KREMEN1: variants seen among roughly 807,000 people sequenced by gnomAD.
The protein encoded by KREMEN1 is kremen protein 1.
In KREMEN1, 30 loss-of-function variants were observed where a neutral mutation model predicts 46.5. The ratio of observed to expected loss-of-function variants is 0.65; its 90% CI spans 0.48 to 0.88. KREMEN1 has a LOEUF of 0.88. KREMEN1 is among the 40% of genes least tolerant of loss of function. The pLI is 0.00. For missense variants in KREMEN1, 533 were observed against 596.9 expected (o/e 0.89, Z 1.11); for synonymous variants, 214 against 230.6 (o/e 0.93, Z 0.65).
At chr22:29,099,076 G>T (rs1401423937) in intron 3 of KREMEN1, 123 bp downstream of exon 3, 1 of 704,294 alleles carries the variant, frequency 1.4e-6, no homozygotes, top group Non-Finnish European at 2.5e-6. Flanking sequence ...TGTGAAAGGA[G>T]AAGCCATCCT....
chr22:29,151,010 T>C (rs932840509), downstream of KREMEN1, among the ~76,000 whole-genome samples: 11 of 152,118 alleles, frequency 7.2e-5, no homozygotes, highest in African/African-American at 2.4e-4. Flanking sequence ...GGCCCCCAAA[T>C]AGCTCATCTT....
chr22:29,115,346 G>A (rs2038221012), intron 3 of KREMEN1, among the ~76,000 whole-genome samples: 1 of 152,080 alleles, frequency 6.6e-6, no homozygotes. Flanking sequence ...ATACTGCTCA[G>A]GTGATGGGTG....
rs1211787459 is a variant in KREMEN1 at position 29,137,450 on chromosome 22, G to A, written c.740G>A (p.Arg247Gln). ...GGGAGGGTCTGCTACTGGACCATCC[G>A]GGTTCCGGGGGCCTCCCACATCCAC... ...ATGRVCYWTIRVPGASHIHFS... is the reference protein window; with the variant it reads ...ATGRVCYWTIQVPGASHIHFS... Residue 247 changes from arginine to glutamine, a missense_variant, in exon 6 of 9, where the codon CGG (arginine) becomes CAG (glutamine). Arg to Gln is a conservative substitution (Grantham distance 43, BLOSUM62 1). Coordinates refer to ENST00000400335, the MANE Select transcript of KREMEN1 (RefSeq NM_001039570.3). 6.2e-6 allele frequency: 10 copies of A among 1,602,764 alleles called. No individual in the cohort carries two copies. Among genetic ancestry groups the A allele is most frequent in the East Asian group, 2.2e-5 (1 of 44,486 alleles).
At position 29,143,010 on chromosome 22, in the gene KREMEN1, C is replaced by G. The variant is rs761855648; in HGVS notation, c.*898C>G. On this transcript the variant is annotated 3_prime_UTR_variant, in exon 9 of 9. Transcript: ENST00000400335. ...ACTAAAAATATAAAAATTAGTCAGG[C>G]GTGGTGGCAGGCGCCTGTAATCCCA... is the stretch of plus-strand genomic sequence containing the variant. The G allele has an allele frequency of 4.1e-6, 2 of 483,770 alleles. No individual in the cohort carries two copies. Among genetic ancestry groups the G allele is most frequent in the Non-Finnish European group, 5.4e-6 (2 of 372,018 alleles). The allele number at this position is 483,770 out of a possible 1,614,324, so 30.0% of individuals were successfully genotyped here. A position where few individuals can be genotyped will look rare whatever the true frequency, so the allele number is the denominator to read the frequency against.
At chr22:29,109,213 G>A (rs1223502864) in intron 3 of KREMEN1, among the ~76,000 whole-genome samples, 1 of 152,142 alleles carries the variant, frequency 6.6e-6, no homozygotes, top group Non-Finnish European at 1.5e-5. Context: ...TATCAGTTCA[G>A]TCACAGATAC....
intron 9 of KREMEN1, among the ~76,000 whole-genome samples, chr22:29,153,969 CAA>C (rs132287): frequency 7.1e-5 from 10 of 140,490 alleles, no homozygotes; most frequent in Admixed American, 2.1e-4. Flanking sequence ...GACTTCCTCT[CAA>C]AAAAAAAAAA....
Position 29,073,155 on chromosome 22 carries a change from G to T in KREMEN1, c.25G>T (p.Ala9Ser). Residue 9 changes from alanine to serine, a missense_variant, in exon 1 of 9, where the codon GCC (alanine) becomes TCC (serine). By Grantham distance (99) the Ala-to-Ser change is moderately conservative. Transcript: ENST00000400335. The surrounding 1 kb of genome is among the most constrained non-coding windows in gnomAD (Gnocchi z 4.4). ...CATGGCGCCGCCAGCCGCCCGCCTC[G>T]CCCTGCTCTCCGCCGCGGCGCTCAC... The part of the protein sequence containing the change: MAPPAARL[A>S]LLSAAALTLA... The T allele has an allele frequency of 2.6e-6, 3 of 1,140,886 alleles. No homozygotes were observed. Among genetic ancestry groups the T allele is most frequent in the Admixed American group, 4.5e-5 (1 of 22,368 alleles). 70.7% of individuals were successfully genotyped at this position (1,140,886 alleles called of 1,614,324 possible).
At chr22:29,150,868 G>C (rs2038909509), downstream of KREMEN1, among the ~76,000 whole-genome samples, 1 of 152,190 alleles carries the variant, frequency 6.6e-6, no homozygotes, top group Non-Finnish European at 1.5e-5. Context: ...ACCCAACAAG[G>C]GAACTGAGGG....
intron 1 of KREMEN1, among the ~76,000 whole-genome samples, chr22:29,083,098 C>G (rs1159208773): frequency 6.6e-6 from 1 of 152,102 alleles, no homozygotes; most frequent in Non-Finnish European, 1.5e-5. Flanking sequence ...TTTGTAGAGA[C>G]AGCTTTTCGC....
At position 29,140,266 on chromosome 22, in the gene KREMEN1, TCTTTTGCA is replaced by T; in HGVS notation, c.1124-12_1124-5del. 1 of 1,608,454 alleles carries T rather than the reference TCTTTTGCA, an allele frequency of 6.2e-7. No homozygotes were observed. Among genetic ancestry groups the T allele is most frequent in the East Asian group, 2.2e-5 (1 of 44,850 alleles). On this transcript the variant is annotated splice_polypyrimidine_tract_variant and splice_region_variant and intron_variant, in intron 7 of 8. Transcript: ENST00000400335. Reference sequence around the variant, plus strand: ...CCATAAACAAGTCTGGTAAGCTCTGTCTTTTGCACTTGCAGGATGGACAGTCTATGGTC... The same window carrying T: ...CCATAAACAAGTCTGGTAAGCTCTGTCTTGCAGGATGGACAGTCTATGGTC...
At chr22:29,125,588 C>A (rs1215148900) in intron 5 of KREMEN1, among the ~76,000 whole-genome samples, 172 bp downstream of exon 5, 1 of 151,836 alleles carries the variant, frequency 6.6e-6, no homozygotes, top group Non-Finnish European at 1.5e-5. Context: ...TCAGCCCCTG[C>A]CTTCTGGAAG....
chr22:29,132,077 G>A (rs1444541667), intron 5 of KREMEN1, among the ~76,000 whole-genome samples: 4 of 151,652 alleles, frequency 2.6e-5, no homozygotes, highest in Non-Finnish European at 5.9e-5. Flanking sequence ...TCTCCGGGTT[G>A]GTCAGGCTGG....
intron 7 of KREMEN1, 56 bp from the exon 8 acceptor site, chr22:29,140,226 C>T (rs1445573529): frequency 7.0e-7 from 1 of 1,425,014 alleles, no homozygotes; most frequent in South Asian, 1.1e-5. Context: ...CAGCCGACCT[C>T]CTTTCGAAAA....
chr22:29,078,482 GA>G lies in KREMEN1; in HGVS notation c.97+5269del, dbSNP rs770244857. 5.3e-3 allele frequency among the ~76,000 whole-genome samples: 477 copies of G among 89,398 alleles called. 2 individuals carry two copies. Among genetic ancestry groups the G allele is most frequent in the Non-Finnish European group, 7.4e-3 (314 of 42,364 alleles). 58.6% of individuals were successfully genotyped at this position (89,398 alleles called of 152,430 possible). ...AGCCCTGACACAGAAAAACAGCCAG[GA>G]AAAAAAAAAAAAAGAAGAAGAAGAA... On this transcript the variant is annotated intron_variant, in intron 1 of 8. Coordinates refer to ENST00000400335, the MANE Select transcript of KREMEN1 (RefSeq NM_001039570.3).
In KREMEN1 at chr22:29,109,088, C is replaced by T. The variant is rs2038103765; in HGVS notation, c.352+10135C>T. Reference sequence around the variant, plus strand: ...TCCAGGTGTGAGCCACTCTGCCTGGCTCCCATGTTTGTTCCTACAATGAGG... The same window carrying T: ...TCCAGGTGTGAGCCACTCTGCCTGGTTCCCATGTTTGTTCCTACAATGAGG... On this transcript the variant is annotated intron_variant, in intron 3 of 8. Transcript: ENST00000400335. Among the ~76,000 whole-genome samples the T allele has an allele frequency of 2.6e-5, 4 of 152,150 alleles. No individual in the cohort carries two copies. The South Asian group carries it at 8.3e-4, about 32-fold the overall frequency.
intron 3 of KREMEN1, chr22:29,099,323 T>C: frequency 5.7e-6 from 1 of 174,804 alleles, no homozygotes. Flanking sequence ...AACTCAGTTA[T>C]GGCACTACTT....
At chr22:29,131,487 C>A (rs995749267) in intron 5 of KREMEN1, among the ~76,000 whole-genome samples, 1 of 141,720 alleles carries the variant, frequency 7.1e-6, no homozygotes, top group Admixed American at 7.1e-5. Context: ...CCTTCCCCAA[C>A]CCAACTCCTC....
At chr22:29,096,276 C>T (rs1021570454) in intron 2 of KREMEN1, among the ~76,000 whole-genome samples, 6 of 152,126 alleles carry the variant, frequency 3.9e-5, no homozygotes, top group African/African-American at 1.4e-4. Flanking sequence ...CAAAATATCT[C>T]TTGGTAGTAG....
At chr22:29,083,785 T>C (rs1265599023) in intron 1 of KREMEN1, among the ~76,000 whole-genome samples, 2 of 151,880 alleles carry the variant, frequency 1.3e-5, no homozygotes. Flanking sequence ...TGAGCTGAGA[T>C]TGCGCCACCG....
Sources: gnomAD v4.1 joint callset for allele counts (sites outside exome capture counted in the v4.1 genomes callset) on GRCh38, gnomAD v4.1.1 for gene constraint, Gnocchi (gnomAD v3.1) non-coding constraint, MANE v1.5 for transcripts, NCBI Gene and HGNC (gene_info 2026-07-23, HGNC 2026-07-21) for gene names.